The following BTBD6 variants were observed in gnomAD, a reference collection of about 807,000 sequenced individuals.
BTBD6 encodes BTB/POZ domain-containing protein 6.
In BTBD6, 30 loss-of-function variants were observed where a neutral mutation model predicts 40.6. That is an observed-to-expected ratio of 0.74 (90% confidence interval 0.55 to 1.00). The LOEUF (loss-of-function observed/expected upper bound fraction) is 1.00, where lower values mean the gene tolerates loss of function less well. Among genes scored for constraint, BTBD6 ranks in the 50% least tolerant of loss-of-function variants. BTBD6 has a pLI of 0.00. For synonymous variants in BTBD6, 378 were observed against 308.7 expected (o/e 1.22, Z -2.35); for missense variants, 698 against 694.6 (o/e 1.00, Z -0.06).
Position 105,248,576 on chromosome 14 carries a change from G to GGC in BTBD6, c.-134_-133dup, listed in dbSNP as rs1386738404. ...GCCGCGGCGGGTACGGGCTCGGGCG[G>GGC]GCGGGCGGGCGGGACGGCGCCCCCC... On this transcript the variant is annotated 5_prime_UTR_variant, in exon 1 of 4. Coordinates refer to ENST00000392554, the MANE Select transcript of BTBD6 (RefSeq NM_001387567.1). 3.3e-6 allele frequency: 3 copies of GGC among 913,598 alleles called. No individual in the cohort carries two copies. The East Asian group carries it at 3.7e-4, about 112-fold the overall frequency. 56.6% of individuals were successfully genotyped at this position (913,598 alleles called of 1,614,324 possible). A position where few individuals can be genotyped will look rare whatever the true frequency, so the allele number is the denominator to read the frequency against.
chr14:105,248,594 C>T lies in BTBD6; in HGVS notation c.-118C>T. ...TCGGGCGGGCGGGCGGGCGGGACGG[C>T]GCCCCCCGCGGCCGGGCCTGGCCGG... On this transcript the variant is annotated 5_prime_UTR_variant, in exon 1 of 4. Transcript: ENST00000392554. The T allele has an allele frequency of 4.2e-6, 4 of 957,696 alleles. No individual in the cohort carries two copies. Among genetic ancestry groups the T allele is most frequent in the Non-Finnish European group, 4.9e-6 (4 of 808,822 alleles). 59.3% of individuals were successfully genotyped at this position (957,696 alleles called of 1,614,324 possible).
chr14:105,250,315 G>A lies in BTBD6; in HGVS notation c.1260G>A (p.Arg420=). 2 of 1,613,374 alleles carry A rather than the reference G, an allele frequency of 1.2e-6. No homozygotes were observed. The highest frequency in any genetic ancestry group is 1.7e-6 in the Non-Finnish European group (2 of 1,180,038). ...GCATCCAGTTTGCAGTGGACAGAAGGGTATTTATTGCAGGGCTGGGCCTGT... is the reference window on the plus strand; with the variant it reads ...GCATCCAGTTTGCAGTGGACAGAAGAGTATTTATTGCAGGGCTGGGCCTGT... ...CDSIQFAVDR[R]VFIAGLGLYG... is the part of the protein sequence containing the mutation. The change falls in exon 4 of 4, where the codon AGG becomes AGA. Residue 420 remains arginine (R), a synonymous_variant. Coordinates refer to ENST00000392554, the MANE Select transcript of BTBD6 (RefSeq NM_001387567.1).
chr14:105,250,228 C>G lies in BTBD6; in HGVS notation c.1173C>G (p.Cys391Trp). 1 of 1,612,944 alleles carries G rather than the reference C, an allele frequency of 6.2e-7. No homozygotes were observed. The highest frequency in any genetic ancestry group is 8.5e-7 in the Non-Finnish European group (1 of 1,180,040). The change falls in exon 4 of 4, where the codon TGC becomes TGG. Residue 391 changes from cysteine (C) to tryptophan (W), a missense_variant. By Grantham distance (215) the Cys-to-Trp change is radical (BLOSUM62 -2). Coordinates refer to ENST00000392554, the MANE Select transcript of BTBD6 (RefSeq NM_001387567.1). Reference protein sequence around the residue: ...TKRKGLAPQRCHRFQSSAYRS... With the variant: ...TKRKGLAPQRWHRFQSSAYRS... ...GGAAGGGCCTCGCCCCGCAGAGGTG[C>G]CACCGATTCCAGTCTTCTGCCTACC...
rs1362717650 is a variant in BTBD6, at chr14:105,249,139, G to A, written c.375-18G>A. 6 of 1,556,156 alleles carry A rather than the reference G, an allele frequency of 3.9e-6. No individual in the cohort carries two copies. The highest frequency in any genetic ancestry group is 1.2e-5 in the South Asian group (1 of 86,156). On this transcript the variant is annotated intron_variant, in intron 1 of 3. Transcript: ENST00000392554. ...CCGCGCGCGCCCACGCCCCCAGCCC[G>A]TGCCTCTACCTTTGCAGGAACGCGC...
Position 105,249,363 on chromosome 14 carries a change from G to A in BTBD6, c.469G>A (p.Val157Ile), listed in dbSNP as rs753143783. 52 of 1,610,634 alleles carry A rather than the reference G, an allele frequency of 3.2e-5. 1 individual carries two copies. The South Asian group carries it at 5.1e-4, about 16-fold the overall frequency. The change falls in exon 3 of 4, where the codon GTC (valine) becomes ATC (isoleucine). Residue 157 changes from valine (V) to isoleucine (I), a missense_variant. Coordinates refer to ENST00000392554, the MANE Select transcript of BTBD6 (RefSeq NM_001387567.1). ...CGGCGGCGCTTTCTCCTCCCAGTAC[G>A]TCTTGGCTGTCGGCAGCTCCGTCTT... The part of the protein sequence containing the change: ...ATRTVPAHKY[V>I]LAVGSSVFYA...
chr14:105,248,720 G>A lies in BTBD6; in HGVS notation c.9G>A (p.Leu3=). 1.0e-6 allele frequency: 1 copy of A among 982,310 alleles called. No homozygotes were observed. The highest frequency in any genetic ancestry group is 1.2e-6 in the Non-Finnish European group (1 of 829,260). 60.8% of individuals were successfully genotyped at this position (982,310 alleles called of 1,614,324 possible). ...CAGCGCCGCCGCCGCCCATGCTGCT[G>A]CCCCTAGCCTGCCTGCACGGCCGCG... is the stretch of plus-strand genomic sequence containing the variant. ML[L]PLACLHGRVA... is the part of the protein sequence containing the mutation. The change falls in exon 1 of 4, where the codon CTG becomes CTA. Residue 3 remains leucine, a synonymous_variant. Coordinates refer to ENST00000392554, the MANE Select transcript of BTBD6 (RefSeq NM_001387567.1).
intron 1 of BTBD6, 23 bp downstream of exon 1, chr14:105,249,108 CCGCGCCCG>C (rs1388685934): frequency 8.7e-6 from 13 of 1,499,878 alleles, no homozygotes; most frequent in African/African-American, 2.9e-5. Flanking sequence ...CCCGCGGCCC[CCGCGCCCG>C]CGCGCGCCCA....
Position 105,248,546 on chromosome 14 carries a change from C to G in BTBD6, c.-166C>G, listed in dbSNP as rs1277567437. On this transcript the variant is annotated 5_prime_UTR_variant, in exon 1 of 4. Coordinates refer to ENST00000392554, the MANE Select transcript of BTBD6 (RefSeq NM_001387567.1). ...CGCGGCCCTGACGCAGCGTGACGCA[C>G]CGGCGCCGCGGCGGGTACGGGCTCG... 3 of 888,334 alleles carry G rather than the reference C, an allele frequency of 3.4e-6. No individual in the cohort carries two copies. Among genetic ancestry groups the G allele is most frequent in the Non-Finnish European group, 4.0e-6 (3 of 754,614 alleles). 55.0% of individuals were successfully genotyped at this position (888,334 alleles called of 1,614,324 possible).
In BTBD6 at chr14:105,250,027, C is replaced by G. The variant is rs778368868; in HGVS notation, c.972C>G (p.Asn324Lys). 14 of 1,612,862 alleles carry G rather than the reference C, an allele frequency of 8.7e-6. No homozygotes were observed. The highest frequency in any genetic ancestry group is 1.3e-5 in the African/African-American group (1 of 74,950). The change falls in exon 4 of 4, where the codon AAC becomes AAG. Residue 324 changes from asparagine to lysine, a missense_variant. Coordinates refer to ENST00000392554, the MANE Select transcript of BTBD6 (RefSeq NM_001387567.1). ...KRQGLPITPR[N>K]KRHVLGRALY... ...AGGGGCTGCCAATCACCCCACGAAACAAGAGGCATGTTCTGGGGCGAGCCC... is the reference window on the plus strand; with the variant it reads ...AGGGGCTGCCAATCACCCCACGAAAGAAGAGGCATGTTCTGGGGCGAGCCC...
rs773470531 is a variant in BTBD6 at position 105,250,363 on chromosome 14, T to C, written c.1308T>C (p.Ala436=). The change falls in exon 4 of 4, where the codon GCT becomes GCC. Residue 436 remains alanine (A), a synonymous_variant. Transcript: ENST00000392554. ...LGLYGSSSGK[A]EYSVKIELKR... ...TGTATGGCTCCAGCTCTGGGAAGGCTGAGTACAGCGTGAAGATTGAGCTCA... is the reference window on the plus strand; with the variant it reads ...TGTATGGCTCCAGCTCTGGGAAGGCCGAGTACAGCGTGAAGATTGAGCTCA... 2.8e-5 allele frequency: 45 copies of C among 1,613,592 alleles called. No homozygotes were observed. Among genetic ancestry groups the C allele is most frequent in the Non-Finnish European group, 3.7e-5 (44 of 1,180,038 alleles).
Position 105,248,633 on chromosome 14 carries a change from G to T in BTBD6, c.-79G>T. On this transcript the variant is annotated 5_prime_UTR_variant, in exon 1 of 4. Coordinates refer to ENST00000392554, the MANE Select transcript of BTBD6 (RefSeq NM_001387567.1). ...GGGCCTGGCCGGGCTGCGCTAGGCTGGGCTCGGGCAGGGTCGCAGGGGCGG... is the reference window on the plus strand; with the variant it reads ...GGGCCTGGCCGGGCTGCGCTAGGCTTGGCTCGGGCAGGGTCGCAGGGGCGG... 5 of 979,588 alleles carry T rather than the reference G, an allele frequency of 5.1e-6. No homozygotes were observed. The highest frequency in any genetic ancestry group is 4.8e-6 in the Non-Finnish European group (4 of 827,368). 60.7% of individuals were successfully genotyped at this position (979,588 alleles called of 1,614,324 possible).
In BTBD6 at chr14:105,250,948, C is replaced by T. The variant is rs2055573323; in HGVS notation, c.*276C>T. On this transcript the variant is annotated 3_prime_UTR_variant, in exon 4 of 4. Transcript: ENST00000392554. The stretch of plus-strand genomic sequence containing the variant: ...CCCCTCCCAGTGGCACCCATGCCAC[C>T]TGCTTTGAGGGGTTGGATCTTCCTG... The T allele has an allele frequency of 8.9e-6, 4 of 447,192 alleles. No homozygotes were observed. The highest frequency in any genetic ancestry group is 7.8e-5 in the African/African-American group (4 of 51,152). The allele number at this position is 447,192 out of a possible 1,614,324, so 27.7% of individuals were successfully genotyped here.
rs1275181576 is a variant in BTBD6, at chr14:105,249,413, G to A, written c.519G>A (p.Leu173=). The change falls in exon 3 of 4, where the codon CTG becomes CTA. Residue 173 remains leucine, a synonymous_variant. Transcript: ENST00000392554. ...TCTATGCCATGTTCTACGGAGACCT[G>A]GCGGAAGTCAAATCTGAAATTCACA... is the stretch of plus-strand genomic sequence containing the variant. ...SVFYAMFYGD[L]AEVKSEIHIP... is the part of the protein sequence containing the mutation. 1.9e-6 allele frequency: 3 copies of A among 1,613,562 alleles called. No homozygotes were observed. Among genetic ancestry groups the A allele is most frequent in the Non-Finnish European group, 2.5e-6 (3 of 1,180,010 alleles).
chr14:105,250,257 G>A lies in BTBD6; in HGVS notation c.1202G>A (p.Ser401Asn), dbSNP rs1478731066. ...CGATTCCAGTCTTCTGCCTACCGCA[G>A]CAACCAGTGGCGGTACCGCGGGCGC... ...CHRFQSSAYR[S>N]NQWRYRGRCD... Residue 401 changes from serine to asparagine, a missense_variant, in exon 4 of 4, where the codon AGC becomes AAC. Physicochemically the swap from Ser to Asn is conservative, Grantham distance 46. Transcript: ENST00000392554. 1 of 1,613,134 alleles carries A rather than the reference G, an allele frequency of 6.2e-7. No individual in the cohort carries two copies.
rs772007157 is a variant in BTBD6, at chr14:105,249,964, G to C, written c.909G>C (p.Glu303Asp). ...ACACCAAAGAGGCGGTGGTCTTCGAGGCCGTCCTGAACTGGGCCGAGGCGG... is the reference window on the plus strand; with the variant it reads ...ACACCAAAGAGGCGGTGGTCTTCGACGCCGTCCTGAACTGGGCCGAGGCGG... ...ALNTKEAVVF[E>D]AVLNWAEAEC... is the part of the protein sequence containing the mutation. The change falls in exon 4 of 4, where the codon GAG becomes GAC. Residue 303 changes from glutamate (E) to aspartate (D), a missense_variant. Coordinates refer to ENST00000392554, the MANE Select transcript of BTBD6 (RefSeq NM_001387567.1). The C allele has an allele frequency of 6.2e-7, 1 of 1,612,338 alleles. No individual in the cohort carries two copies. Among genetic ancestry groups the C allele is most frequent in the South Asian group, 1.1e-5 (1 of 91,090 alleles).
In BTBD6 at chr14:105,250,182, T is replaced by G; in HGVS notation, c.1127T>G (p.Leu376Arg). The change falls in exon 4 of 4, where the codon CTG (leucine) becomes CGG (arginine). Residue 376 changes from leucine to arginine, a missense_variant. Coordinates refer to ENST00000392554, the MANE Select transcript of BTBD6 (RefSeq NM_001387567.1). ...LWYTATNKPRLDFPLTKRKGL... is the reference protein window; with the variant it reads ...LWYTATNKPRRDFPLTKRKGL... ...TACACGGCCACCAACAAGCCCCGCC[T>G]GGACTTTCCCCTGACCAAGAGGAAG... 6.2e-7 allele frequency: 1 copy of G among 1,612,978 alleles called. No homozygotes were observed. Among genetic ancestry groups the G allele is most frequent in the Non-Finnish European group, 8.5e-7 (1 of 1,180,034 alleles).
chr14:105,250,769 GTC>G lies in BTBD6; in HGVS notation c.*103_*104del. ...ACCATGAAAGGCTGCTCTTAACTTT[GTC>G]TCTCTTTGACATGTAGTCAGCTGAA... On this transcript the variant is annotated 3_prime_UTR_variant, in exon 4 of 4. Transcript: ENST00000392554. 1 of 1,279,954 alleles carries G rather than the reference GTC, an allele frequency of 7.8e-7. No homozygotes were observed. The highest frequency in any genetic ancestry group is 1.1e-6 in the Non-Finnish European group (1 of 928,998). The allele number at this position is 1,279,954 out of a possible 1,614,324, so 79.3% of individuals were successfully genotyped here.
rs2140298048 is a variant in BTBD6 at position 105,250,808 on chromosome 14, TAG to T, written c.*140_*141del. The T allele has an allele frequency of 2.1e-6, 2 of 954,354 alleles. No homozygotes were observed. The highest frequency in any genetic ancestry group is 1.7e-5 in the African/African-American group (1 of 60,164). 59.1% of individuals were successfully genotyped at this position (954,354 alleles called of 1,614,324 possible). On this transcript the variant is annotated 3_prime_UTR_variant, in exon 4 of 4. Transcript: ENST00000392554. ...TGTAGTCAGCTGAAGCTTGACTGTGTAGAGACATTTTCCACACAGCCAGAACC... is the reference window on the plus strand; with the variant it reads ...TGTAGTCAGCTGAAGCTTGACTGTGTAGACATTTTCCACACAGCCAGAACC...
Position 105,250,141 on chromosome 14 carries a change from C to T in BTBD6, c.1086C>T (p.His362=). The T allele has an allele frequency of 1.2e-6, 2 of 1,613,012 alleles. No homozygotes were observed. Among genetic ancestry groups the T allele is most frequent in the Non-Finnish European group, 8.5e-7 (1 of 1,180,040 alleles). The change falls in exon 4 of 4, where the codon CAC becomes CAT. Residue 362 remains histidine (H), a synonymous_variant. Transcript: ENST00000392554. The part of the protein sequence containing the change: ...QSDILTLEET[H]SIFLWYTATN... ...ACATCCTGACTCTGGAGGAGACCCA[C>T]AGCATCTTCCTGTGGTACACGGCCA...
Sources: gnomAD v4.1 joint callset for allele counts on GRCh38, gnomAD v4.1.1 for gene constraint, MANE v1.5 for transcripts, NCBI Gene and HGNC (gene_info 2026-07-23, HGNC 2026-07-21) for gene names.